The following CDH13 variants were observed in gnomAD, a reference collection of about 807,000 sequenced individuals.
The protein encoded by CDH13 is cadherin 13.
A neutral mutation model predicts 63.8 loss-of-function variants in CDH13; 24 were observed. The ratio of observed to expected loss-of-function variants is 0.38; its 90% CI spans 0.27 to 0.53. CDH13 has a LOEUF of 0.53. Ranked by LOEUF, CDH13 falls within the 20% of genes least tolerant of loss-of-function variation. The pLI, the probability that CDH13 is intolerant of heterozygous loss-of-function variation, is 0.85. For synonymous variants in CDH13, 503 were observed against 355.3 expected (o/e 1.42, Z -4.67); for missense variants, 1,049 against 903.1 (o/e 1.16, Z -2.07).
intron 1 of CDH13, among the ~76,000 whole-genome samples, chr16:82,836,438 C>G (rs888965591): frequency 2.6e-4 from 39 of 152,198 alleles, no homozygotes; most frequent in Non-Finnish European, 1.8e-4. Flanking sequence ...GCATGAGCCG[C>G]TGTGCCTGGC....
At chr16:83,616,166 A>G (rs1909264701) in intron 8 of CDH13, among the ~76,000 whole-genome samples, 3 of 152,210 alleles carry the variant, frequency 2.0e-5, no homozygotes, top group Non-Finnish European at 4.4e-5. Flanking sequence ...TTGTTCATAC[A>G]CACAAGGATG....
At chr16:82,764,589 A>G (rs1373605851) in intron 1 of CDH13, among the ~76,000 whole-genome samples, 1 of 152,214 alleles carries the variant, frequency 6.6e-6, no homozygotes, top group African/African-American at 2.4e-5. Flanking sequence ...CTACAGATGT[A>G]TTTTGAGAAC....
At chr16:83,212,333 G>T (rs2039361550) in intron 4 of CDH13, among the ~76,000 whole-genome samples, 1 of 152,180 alleles carries the variant, frequency 6.6e-6, no homozygotes, top group Non-Finnish European at 1.5e-5. Context: ...AAGCCAGAGA[G>T]GTGGTGGGTA....
chr16:83,696,813 G>A (rs1598499048), intron 10 of CDH13, among the ~76,000 whole-genome samples: 1 of 152,210 alleles, frequency 6.6e-6, no homozygotes, highest in South Asian at 2.1e-4. Context: ...ATTCTTACAA[G>A]GCACCATCCA....
intron 1 of CDH13, among the ~76,000 whole-genome samples, chr16:82,652,578 T>C (rs1910845887): frequency 1.3e-5 from 2 of 151,644 alleles, no homozygotes; most frequent in South Asian, 4.2e-4. Flanking sequence ...CTACTCCTCA[T>C]TTAAAAATTA....
intron 1 of CDH13, among the ~76,000 whole-genome samples, chr16:82,711,102 G>A (rs2151006311): frequency 6.6e-6 from 1 of 152,188 alleles, no homozygotes; most frequent in Middle Eastern, 3.4e-3. Flanking sequence ...CCTCCTGGCA[G>A]TTTCTACGTC....
chr16:83,733,342 G>A (rs1296373729), intron 10 of CDH13, among the ~76,000 whole-genome samples: 1 of 152,176 alleles, frequency 6.6e-6, no homozygotes, highest in South Asian at 2.1e-4. Context: ...GTGAAACCCA[G>A]ATGCTTCTGT....
chr16:83,743,742 T>A (rs539010869), intron 10 of CDH13, among the ~76,000 whole-genome samples: 1 of 85,878 alleles, frequency 1.2e-5, no homozygotes, highest in African/African-American at 4.9e-5. Flanking sequence ...GCCTTTTTTC[T>A]TTTTTCTTTT....
chr16:83,326,287 T>C (rs2090359376), intron 5 of CDH13, among the ~76,000 whole-genome samples: 1 of 152,210 alleles, frequency 6.6e-6, no homozygotes, highest in South Asian at 2.1e-4. Flanking sequence ...ACCATACCCA[T>C]ACTTCTTCTA....
At chr16:83,140,208 G>T (rs1376458517) in intron 4 of CDH13, among the ~76,000 whole-genome samples, 1 of 152,202 alleles carries the variant, frequency 6.6e-6, no homozygotes, top group Non-Finnish European at 1.5e-5. Context: ...GACAAGCCCA[G>T]CTCCATGGCC....
At chr16:82,976,047 G>T (rs1909459084) in intron 2 of CDH13, among the ~76,000 whole-genome samples, 1 of 152,186 alleles carries the variant, frequency 6.6e-6, no homozygotes, top group South Asian at 2.1e-4. Flanking sequence ...GAAAGCCCCT[G>T]GTCAGAAGGC....
intron 1 of CDH13, among the ~76,000 whole-genome samples, chr16:82,836,853 G>A (rs1286110089): frequency 6.6e-6 from 1 of 152,182 alleles, no homozygotes; most frequent in Admixed American, 6.5e-5. Flanking sequence ...CTCCAAGTGT[G>A]ACTTTCATTT....
intron 7 of CDH13, among the ~76,000 whole-genome samples, chr16:83,495,716 A>G (rs184405009): frequency 1.3e-5 from 2 of 152,310 alleles, no homozygotes; most frequent in East Asian, 1.9e-4. Flanking sequence ...AAAGTAAGCC[A>G]CATTATGTAG....
chr16:82,774,074 T>A (rs2035382297), intron 1 of CDH13, among the ~76,000 whole-genome samples: 1 of 152,068 alleles, frequency 6.6e-6, no homozygotes. Flanking sequence ...TAAGACACCG[T>A]GCCCGGCCAG....
At chr16:83,218,857 C>T (rs1216599541) in intron 5 of CDH13, among the ~76,000 whole-genome samples, 3 of 152,048 alleles carry the variant, frequency 2.0e-5, no homozygotes, top group African/African-American at 4.8e-5. Context: ...GTGCTGTTCT[C>T]GTGATAGTGA....
chr16:82,655,575 T>G (rs1911202789), intron 1 of CDH13, among the ~76,000 whole-genome samples: 1 of 151,774 alleles, frequency 6.6e-6, no homozygotes, highest in Non-Finnish European at 1.5e-5. Flanking sequence ...CTGAGAGTGA[T>G]GGGAAACCAC....
chr16:83,376,127 A>G (rs1435080925), intron 6 of CDH13, among the ~76,000 whole-genome samples: 1 of 152,174 alleles, frequency 6.6e-6, no homozygotes, highest in Non-Finnish European at 1.5e-5. Flanking sequence ...ATAGCAAACA[A>G]AAATGGCCAC....
At chr16:83,451,817 G>T (rs1469320035) in intron 6 of CDH13, among the ~76,000 whole-genome samples, 1 of 152,220 alleles carries the variant, frequency 6.6e-6, no homozygotes, top group Non-Finnish European at 1.5e-5. Context: ...ACGATGCCCA[G>T]TCCATTTTAT....
At chr16:82,807,710 C>T (rs1375382536) in intron 1 of CDH13, among the ~76,000 whole-genome samples, 2 of 152,100 alleles carry the variant, frequency 1.3e-5, no homozygotes, top group Admixed American at 6.5e-5. Context: ...CTGTTTCTTA[C>T]AGAGGATGAA....
Sources: allele counts gnomAD v4.1 joint callset (sites outside exome capture counted in the v4.1 genomes callset), GRCh38; gene constraint gnomAD v4.1.1; transcripts MANE v1.5; gene names NCBI Gene and HGNC (gene_info 2026-07-23, HGNC 2026-07-21).